SGSM1: variants seen among roughly 807,000 people sequenced by gnomAD.
SGSM1 encodes RUN and TBC1 domain containing 2.
In SGSM1, 73 loss-of-function variants were observed where a neutral mutation model predicts 133.8. The ratio of observed to expected loss-of-function variants is 0.55; its 90% CI spans 0.45 to 0.66. The LOEUF (loss-of-function observed/expected upper bound fraction) is 0.66, where lower values mean the gene tolerates loss of function less well. Ranked by LOEUF, SGSM1 falls within the 30% of genes least tolerant of loss-of-function variation. The pLI, the probability that SGSM1 is intolerant of heterozygous loss-of-function variation, is 0.00. For missense variants in SGSM1, 1,213 were observed against 1,448.1 expected, an observed-to-expected ratio of 0.84 and a Z score of 2.64; for synonymous variants, 563 against 573.0, an observed-to-expected ratio of 0.98 and a Z score of 0.25.
intron 2 of SGSM1, among the ~76,000 whole-genome samples, chr22:24,837,703 C>T (rs1929542193): frequency 6.6e-6 from 1 of 152,114 alleles, no homozygotes; most frequent in Admixed American, 6.5e-5. Context: ...ACTGCTAGAC[C>T]AAGGAGCCCT....
intron 20 of SGSM1, among the ~76,000 whole-genome samples, chr22:24,903,463 C>T (rs143377358): frequency 0.02 from 3,076 of 152,144 alleles, 102 homozygotes; most frequent in African/African-American, 0.069. Context: ...CCTGCCTTGA[C>T]CTCCCAAGTG....
chr22:24,877,773 G>A (rs185404222), intron 13 of SGSM1, among the ~76,000 whole-genome samples: 8 of 143,922 alleles, frequency 5.6e-5, no homozygotes, highest in African/African-American at 1.8e-4. Context: ...AGTTTGAGAA[G>A]TGCTAATATT....
chr22:24,843,052 A>C (rs1254693232), intron 2 of SGSM1, among the ~76,000 whole-genome samples: 3 of 152,080 alleles, frequency 2.0e-5, no homozygotes, highest in Non-Finnish European at 4.4e-5. Context: ...AGAAAGTGAT[A>C]AGTTTCAATT....
intron 12 of SGSM1, among the ~76,000 whole-genome samples, chr22:24,875,405 A>T (rs1487175936): frequency 6.6e-6 from 1 of 152,170 alleles, no homozygotes; most frequent in East Asian, 1.9e-4. Context: ...CCTTTTTTAC[A>T]TTTTGTTTAT....
intron 4 of SGSM1, among the ~76,000 whole-genome samples, chr22:24,848,845 G>C (rs1930295376): frequency 6.6e-6 from 1 of 152,210 alleles, no homozygotes; most frequent in Non-Finnish European, 1.5e-5. Context: ...CCCTTTCCTT[G>C]CATTTCAGGC....
intron 14 of SGSM1, among the ~76,000 whole-genome samples, chr22:24,880,762 T>C (rs1932271594): frequency 6.6e-6 from 1 of 152,156 alleles, no homozygotes; most frequent in Non-Finnish European, 1.5e-5. Context: ...AGCAATGTCT[T>C]TGGACAATGT....
intron 21 of SGSM1, among the ~76,000 whole-genome samples, chr22:24,905,818 G>C (rs903385179): frequency 2.0e-5 from 3 of 148,678 alleles, no homozygotes; most frequent in Admixed American, 1.3e-4. Flanking sequence ...AAGAAGAAAA[G>C]AAGGATTAAT....
chr22:24,856,072 T>C lies in SGSM1; in HGVS notation c.801+392T>C, dbSNP rs145153594. 7.2e-3 allele frequency: 2,733 copies of C among 382,200 alleles called. 17 individuals carry two copies. Among genetic ancestry groups the C allele is most frequent in the Non-Finnish European group, 0.011 (2,131 of 192,794 alleles). 23.7% of individuals were successfully genotyped at this position (382,200 alleles called of 1,614,324 possible). A position where few individuals can be genotyped will look rare whatever the true frequency, so the allele number is the denominator to read the frequency against. ...ATCTATCCATCCATCCATTTGTCCA[T>C]TTATTTTCCTGTCCATCTCTTCACT... On this transcript the variant is annotated intron_variant, in intron 8 of 24. Coordinates refer to ENST00000400358, the MANE Select transcript of SGSM1 (RefSeq NM_001098497.3).
chr22:24,889,989 C>T lies in SGSM1; in HGVS notation c.1770+3261C>T, dbSNP rs557634791. On this transcript the variant is annotated intron_variant, in intron 16 of 24. Coordinates refer to ENST00000400358, the MANE Select transcript of SGSM1 (RefSeq NM_001098497.3). ...TTTTTTTTTTTGAGACGGAGTCTTG[C>T]TCTGTCGCCCAGGCTGGAGTGCAGT... Among the ~76,000 whole-genome samples the T allele has an allele frequency of 9.9e-5, 14 of 141,208 alleles. No homozygotes were observed. The East Asian group carries it at 1.7e-3, about 17-fold the overall frequency. The allele number at this position is 141,208 out of a possible 152,430, so 92.6% of individuals were successfully genotyped here.
chr22:24,808,115 G>GGTT (rs1369700653), intron 2 of SGSM1, among the ~76,000 whole-genome samples: 7 of 130,948 alleles, frequency 5.3e-5, no homozygotes, highest in African/African-American at 2.1e-4. Context: ...TTTTCTTGGT[G>GGTT]TTTTTTTTTT....
intron 12 of SGSM1, among the ~76,000 whole-genome samples, chr22:24,870,125 C>G (rs1453958652): frequency 6.6e-6 from 1 of 152,228 alleles, no homozygotes; most frequent in East Asian, 1.9e-4. Context: ...GCTGGAACCC[C>G]TTAAGCGCTA....
intron 9 of SGSM1, among the ~76,000 whole-genome samples, chr22:24,862,624 C>T (rs1002623500): frequency 3.3e-5 from 5 of 152,166 alleles, no homozygotes; most frequent in Admixed American, 1.3e-4. Flanking sequence ...GTTTACTGAG[C>T]CCCTACTCTG....
rs374312399 is a variant in SGSM1, at chr22:24,889,458, G to A, written c.1770+2730G>A. Among the ~76,000 whole-genome samples, 55 of 145,000 alleles carry A rather than the reference G, an allele frequency of 3.8e-4. 1 individual carries two copies. The East Asian group carries it at 8.8e-3, about 23-fold the overall frequency. On this transcript the variant is annotated intron_variant, in intron 16 of 24. Coordinates refer to ENST00000400358, the MANE Select transcript of SGSM1 (RefSeq NM_001098497.3). ...AGAGTCTCACTCTGTTGCCCAGGCTGCAGTGCAGTGGTGTGATCTTGGCTT... is the reference window on the plus strand; with the variant it reads ...AGAGTCTCACTCTGTTGCCCAGGCTACAGTGCAGTGGTGTGATCTTGGCTT...
chr22:24,912,065 GA>G (rs113285331), intron 21 of SGSM1, among the ~76,000 whole-genome samples: 41,644 of 140,312 alleles, frequency 0.3, 5,909 homozygotes, highest in African/African-American at 0.32. Context: ...AAAAAAAAAG[GA>G]AAAAAAAAAA....
intron 2 of SGSM1, among the ~76,000 whole-genome samples, chr22:24,824,514 C>T (rs1455376521): frequency 6.6e-6 from 1 of 152,136 alleles, no homozygotes; most frequent in Non-Finnish European, 1.5e-5. Flanking sequence ...ATTCCAACCC[C>T]TCCCAACTGT....
intron 21 of SGSM1, among the ~76,000 whole-genome samples, chr22:24,911,706 A>C (rs550825477): frequency 6.6e-6 from 1 of 152,256 alleles, no homozygotes; most frequent in Non-Finnish European, 1.5e-5. Flanking sequence ...CATCAGATAA[A>C]TTCCATTACT....
chr22:24,855,633 T>A lies in SGSM1; in HGVS notation c.754T>A (p.Ser252Thr). 1 of 1,613,912 alleles carries A rather than the reference T, an allele frequency of 6.2e-7. No homozygotes were observed. The highest frequency in any genetic ancestry group is 8.5e-7 in the Non-Finnish European group (1 of 1,179,870). ...CTACGTGGAGTCCCTGCATCAGAAC[T>A]CCCGTGCCACCCTTCTCTATGGCAA... Reference protein sequence around the residue: ...RDYVESLHQNSRATLLYGKNN... With the variant: ...RDYVESLHQNTRATLLYGKNN... Residue 252 changes from serine (S) to threonine (T), a missense_variant, in exon 8 of 25, where the codon TCC becomes ACC. Physicochemically the swap from Ser to Thr is moderately conservative, Grantham distance 58 (BLOSUM62 1). Coordinates refer to ENST00000400358, the MANE Select transcript of SGSM1 (RefSeq NM_001098497.3).
At chr22:24,889,378 C>A (rs1217970989) in intron 16 of SGSM1, among the ~76,000 whole-genome samples, 1 of 151,578 alleles carries the variant, frequency 6.6e-6, no homozygotes, top group African/African-American at 2.4e-5. Context: ...TTTTTGACTT[C>A]ATGATGGCTT....
chr22:24,855,783 T>C (rs755619377), intron 8 of SGSM1, 103 bp downstream of exon 8: 1 of 1,564,456 alleles, frequency 6.4e-7, no homozygotes, highest in East Asian at 2.3e-5. Context: ...TTCATCCATT[T>C]ATGCACTCAC....
Sources: gnomAD v4.1 joint callset for allele counts (sites outside exome capture counted in the v4.1 genomes callset) on GRCh38, gnomAD v4.1.1 for gene constraint, MANE v1.5 for transcripts, NCBI Gene and HGNC (gene_info 2026-07-23, HGNC 2026-07-21) for gene names.